Variants in EML4 observed in about 807,000 individuals in gnomAD.
The protein encoded by EML4 is EMAP like 4.
Under a neutral mutation model 129.0 loss-of-function variants are expected in EML4, and 72 were observed. The observed-to-expected ratio is 0.56, with a 90% confidence interval of 0.46 to 0.68. The LOEUF (loss-of-function observed/expected upper bound fraction) is 0.68. EML4 is among the 30% of genes least tolerant of loss of function. The probability of loss-of-function intolerance (pLI) is 0.00; values close to 1 mark genes in which losing one functional copy is unlikely to be tolerated. For missense variants in EML4, 1,363 were observed against 1,190.6 expected (o/e 1.14, Z -2.13); for synonymous variants, 532 against 405.0 (o/e 1.31, Z -3.77).
intron 1 of EML4, among the ~76,000 whole-genome samples, chr2:42,220,130 A>G (rs1378728941): frequency 1.3e-5 from 2 of 152,114 alleles, no homozygotes; most frequent in East Asian, 1.9e-4. Context: ...TTACTTATCT[A>G]TAATACGTGT....
intron 1 of EML4, among the ~76,000 whole-genome samples, chr2:42,174,317 G>A (rs1171539507): frequency 6.6e-6 from 1 of 152,102 alleles, no homozygotes; most frequent in Non-Finnish European, 1.5e-5. Flanking sequence ...GTCTGACGGA[G>A]TCTTGCTCTG....
rs949077101 is a variant in EML4, at chr2:42,299,027, T to C, written c.1490-2214T>C. Among the ~76,000 whole-genome samples, 8 of 152,206 alleles carry C rather than the reference T, an allele frequency of 5.3e-5. No homozygotes were observed. The South Asian group carries it at 8.3e-4, about 16-fold the overall frequency. ...TCTCGTGGTAACATCAGAACAGAGA[T>C]AGATACTTATCTACCTATGCCAGTG... is the stretch of plus-strand genomic sequence containing the variant. On this transcript the variant is annotated intron_variant, in intron 13 of 22. Coordinates refer to ENST00000318522, the MANE Select transcript of EML4 (RefSeq NM_019063.5).
intron 1 of EML4, among the ~76,000 whole-genome samples, chr2:42,219,105 A>G (rs1673389909): frequency 6.6e-6 from 1 of 152,248 alleles, no homozygotes; most frequent in Non-Finnish European, 1.5e-5. Context: ...TGAAGAACCC[A>G]CAGTGAACAT....
chr2:42,280,200 G>T (rs868332107), intron 6 of EML4, among the ~76,000 whole-genome samples: 39 of 152,152 alleles, frequency 2.6e-4, no homozygotes, highest in African/African-American at 9.4e-4. Flanking sequence ...AAAAACTGCT[G>T]TCACAAAATT....
intron 1 of EML4, among the ~76,000 whole-genome samples, chr2:42,186,382 C>A (rs963643310): frequency 6.6e-6 from 1 of 151,568 alleles, no homozygotes; most frequent in Non-Finnish European, 1.5e-5. Flanking sequence ...ATTTTTAATG[C>A]CTTTAACTTG....
At chr2:42,224,578 G>A (rs1332457269) in intron 1 of EML4, among the ~76,000 whole-genome samples, 6 of 152,008 alleles carry the variant, frequency 3.9e-5, no homozygotes, top group Non-Finnish European at 2.9e-5. Context: ...TAGGAGTGGC[G>A]TTGCTGGATT....
rs1325229153 is a variant in EML4, at chr2:42,256,647, G to A, written c.338+17G>A. The stretch of plus-strand genomic sequence containing the variant: ...TGCTAAAAGGTACCCATTTATGAAA[G>A]GGGGAAAAACTAACATTGCAGAATT... On this transcript the variant is annotated intron_variant, in intron 3 of 22. Coordinates refer to ENST00000318522, the MANE Select transcript of EML4 (RefSeq NM_019063.5). 3 of 1,612,132 alleles carry A rather than the reference G, an allele frequency of 1.9e-6. No homozygotes were observed. Among genetic ancestry groups the A allele is most frequent in the African/African-American group, 2.7e-5 (2 of 74,794 alleles).
At chr2:42,313,108 C>T (rs964523744) in intron 17 of EML4, among the ~76,000 whole-genome samples, 1 of 151,854 alleles carries the variant, frequency 6.6e-6, no homozygotes, top group African/African-American at 2.4e-5. Context: ...GCTACCATGC[C>T]TGGCTAATTT....
chr2:42,283,099 C>T (rs918539947), intron 8 of EML4, 127 bp downstream of exon 8: 18 of 888,810 alleles, frequency 2.0e-5, no homozygotes, highest in Non-Finnish European at 3.0e-5. Context: ...TATGGGTCAT[C>T]TGTTGAATAT....
At chr2:42,305,089 A>G (rs1668516745) in intron 17 of EML4, among the ~76,000 whole-genome samples, 3 of 152,026 alleles carry the variant, frequency 2.0e-5, no homozygotes, top group South Asian at 4.2e-4. Context: ...GCGCTCCAGC[A>G]TGGGCAACAG....
intron 1 of EML4, among the ~76,000 whole-genome samples, chr2:42,221,681 A>G (rs933808747): frequency 2.0e-5 from 3 of 151,654 alleles, no homozygotes; most frequent in African/African-American, 7.3e-5. Flanking sequence ...TCGGCTCATC[A>G]CAGCCTCCGC....
chr2:42,324,446 T>C (rs1669683007), intron 19 of EML4, among the ~76,000 whole-genome samples: 1 of 152,132 alleles, frequency 6.6e-6, no homozygotes, highest in East Asian at 1.9e-4. Flanking sequence ...TGAAACCTTG[T>C]CTCTGCAGAA....
At chr2:42,247,478 C>T (rs993995669) in intron 2 of EML4, among the ~76,000 whole-genome samples, 34 of 151,984 alleles carry the variant, frequency 2.2e-4, no homozygotes, top group African/African-American at 7.3e-5. Context: ...TCCCTCTTGG[C>T]CTCATGTACT....
Position 42,330,120 on chromosome 2 carries a change from T to G in EML4, c.2859T>G (p.Leu953=), listed in dbSNP as rs1670026146. Residue 953 remains leucine, a synonymous_variant, in exon 23 of 23, where the codon CTT becomes CTG. Transcript: ENST00000318522. ...EEGSGDLGEP[L]YEEPCNEISK... ...GCAGCGGAGACCTTGGTGAGCCTCT[T>G]TATGAAGAGCCATGCAACGAGATAA... is the stretch of plus-strand genomic sequence containing the variant. 3 of 1,612,196 alleles carry G rather than the reference T, an allele frequency of 1.9e-6. No homozygotes were observed. The highest frequency in any genetic ancestry group is 4.5e-5 in the East Asian group (2 of 44,840).
chr2:42,244,101 G>GTTTTTTTTTTTTTTTTTTTGTTT (rs147426155), intron 1 of EML4, among the ~76,000 whole-genome samples: 3 of 81,368 alleles, frequency 3.7e-5, no homozygotes, highest in African/African-American at 3.5e-5. Flanking sequence ...TTTGTTTTTT[G>GTTTTTTTTTTTTTTTTTTTGTTT]TTTTTTTTTT....
chr2:42,264,807 C>T (rs1325620280), intron 6 of EML4, 76 bp downstream of exon 6: 2 of 1,395,648 alleles, frequency 1.4e-6, no homozygotes, highest in African/African-American at 1.5e-5. Context: ...AGAATATTTT[C>T]ATCCAGTGCA....
rs1670141874 is a variant in EML4, at chr2:42,332,249, T to C, written c.*2042T>C. On this transcript the variant is annotated 3_prime_UTR_variant, in exon 23 of 23. Transcript: ENST00000318522. ...TCACCTTTGGGGTTGCCATGTACAA[T>C]GAGATTTATAATCATGATACTCTTC... is the stretch of plus-strand genomic sequence containing the variant. 1 of 215,592 alleles carries C rather than the reference T, an allele frequency of 4.6e-6. No homozygotes were observed. Among genetic ancestry groups the C allele is most frequent in the Non-Finnish European group, 9.4e-6 (1 of 106,768 alleles). 13.4% of individuals were successfully genotyped at this position (215,592 alleles called of 1,614,324 possible). A position where few individuals can be genotyped will look rare whatever the true frequency, so the allele number is the denominator to read the frequency against.
At chr2:42,287,436 A>G (rs1005620703) in intron 10 of EML4, among the ~76,000 whole-genome samples, 1 of 152,148 alleles carries the variant, frequency 6.6e-6, no homozygotes, top group Non-Finnish European at 1.5e-5. Context: ...TCATAACTCT[A>G]TCTTTTCTAA....
In EML4 at chr2:42,330,372, C is replaced by G. The variant is rs1351941537; in HGVS notation, c.*165C>G. ...TTATTTTCAGTCTCTCAAATACAGC[C>G]AACTTAAAGTTTTAGTTTGGTGTTT... On this transcript the variant is annotated 3_prime_UTR_variant, in exon 23 of 23. Transcript: ENST00000318522. 1 of 714,584 alleles carries G rather than the reference C, an allele frequency of 1.4e-6. No homozygotes were observed. The highest frequency in any genetic ancestry group is 1.8e-5 in the African/African-American group (1 of 57,096). The allele number at this position is 714,584 out of a possible 1,614,324, so 44.3% of individuals were successfully genotyped here.
Sources: allele counts gnomAD v4.1 joint callset (sites outside exome capture counted in the v4.1 genomes callset), GRCh38; gene constraint gnomAD v4.1.1; transcripts MANE v1.5; gene names NCBI Gene and HGNC (gene_info 2026-07-23, HGNC 2026-07-21).